The following RGS7 variants were observed in gnomAD, a reference collection of about 807,000 sequenced individuals.
The protein encoded by RGS7 is regulator of G-protein signaling 7.
RGS7 carries 27 observed loss-of-function variants against 81.1 expected under a neutral mutation model. That is an observed-to-expected ratio of 0.33 (90% confidence interval 0.25 to 0.46). The LOEUF is 0.46. Ranked by LOEUF, RGS7 falls within the 20% of genes least tolerant of loss-of-function variation. The pLI, the probability that RGS7 is intolerant of heterozygous loss-of-function variation, is 1.00. For missense variants in RGS7, 396 were observed against 607.4 expected (o/e 0.65, Z 3.66); for synonymous variants, 208 against 207.7 (o/e 1.00, Z -0.01).
At chr1:241,067,244 C>T (rs369367041) in intron 3 of RGS7, among the ~76,000 whole-genome samples, 10 of 152,110 alleles carry the variant, frequency 6.6e-5, no homozygotes, top group Non-Finnish European at 1.5e-4. Context: ...TGGAAGCTTT[C>T]GAAGTATAAG....
rs551122102 is a variant in RGS7 at position 241,174,895 on chromosome 1, GTTTTTTTTTTTTT to G, written c.79-76146_79-76134del. On this transcript the variant is annotated intron_variant, in intron 2 of 18. Coordinates refer to ENST00000440928, the MANE Select transcript of RGS7 (RefSeq NM_001364886.1). The stretch of plus-strand genomic sequence containing the variant: ...ACTAGACTCCAATTCACAGAATTTT[GTTTTTTTTTTTTT>G]TTTTTTTTTTTTGAGACGGAGTCCC... 4.3e-5 allele frequency among the ~76,000 whole-genome samples: 3 copies of G among 69,232 alleles called. No individual in the cohort carries two copies. In the South Asian group the frequency reaches 2.2e-3, roughly 51 times the overall value. The allele number at this position is 69,232 out of a possible 152,430, so 45.4% of individuals were successfully genotyped here.
rs372746623 is a variant in RGS7, at chr1:240,935,170, C to T, written c.333+1430G>A. 2.3e-4 allele frequency among the ~76,000 whole-genome samples: 35 copies of T among 151,998 alleles called. 1 individual carries two copies. The highest frequency in any genetic ancestry group is 1.9e-3 in the East Asian group (10 of 5,148). On this transcript the variant is annotated intron_variant, in intron 5 of 18. Transcript: ENST00000440928. ...GCCCTGGCCTCCCAAAGTGCTGGGA[C>T]TACAGGCATGAGCCACTGTGCCCGG...
At chr1:241,105,894 C>T (rs2065063259) in intron 2 of RGS7, among the ~76,000 whole-genome samples, 1 of 152,124 alleles carries the variant, frequency 6.6e-6, no homozygotes, top group South Asian at 2.1e-4. Context: ...ACTAAGTGGG[C>T]AGATTGAATG....
chr1:241,245,369 C>T (rs1235635690), intron 2 of RGS7, among the ~76,000 whole-genome samples: 2 of 147,000 alleles, frequency 1.4e-5, no homozygotes, highest in East Asian at 1.9e-4. Context: ...TTGCTCCTGC[C>T]GTGTAAGTGT....
At chr1:241,191,991 G>A (rs1245725246) in intron 2 of RGS7, among the ~76,000 whole-genome samples, 1 of 152,238 alleles carries the variant, frequency 6.6e-6, no homozygotes, top group Non-Finnish European at 1.5e-5. Flanking sequence ...TCTCAACAGA[G>A]CCTCACAAAG....
Position 241,007,443 on chromosome 1 carries a change from A to C in RGS7, c.176-24314T>G, listed in dbSNP as rs576088020. On this transcript the variant is annotated intron_variant, in intron 3 of 18. Coordinates refer to ENST00000440928, the MANE Select transcript of RGS7 (RefSeq NM_001364886.1). ...AGCTTTTGGTCAACAATAGGTCATT[A>C]GTAGTTAAGTTTTTGGGGAAGTCAA... is the stretch of plus-strand genomic sequence containing the variant. Among the ~76,000 whole-genome samples, 77 of 152,310 alleles carry C rather than the reference A, an allele frequency of 5.1e-4. 2 individuals are homozygous for C. Among genetic ancestry groups the C allele is most frequent in the Admixed American group, 1.9e-3 (29 of 15,282 alleles).
Position 240,997,108 on chromosome 1 carries a change from G to A in RGS7, c.176-13979C>T, listed in dbSNP as rs147884136. Reference sequence around the variant, plus strand: ...AACACAGATACATGCTACTATGCCCGACTATGTTTTTATTATTATTATCAT... The same window carrying A: ...AACACAGATACATGCTACTATGCCCAACTATGTTTTTATTATTATTATCAT... On this transcript the variant is annotated intron_variant, in intron 3 of 18. Transcript: ENST00000440928. Among the ~76,000 whole-genome samples, 902 of 151,888 alleles carry A rather than the reference G, an allele frequency of 5.9e-3. 4 individuals carry two copies. Among genetic ancestry groups the A allele is most frequent in the African/African-American group, 0.02 (835 of 41,420 alleles).
At chr1:241,150,880 G>A (rs1458373178) in intron 2 of RGS7, among the ~76,000 whole-genome samples, 1 of 151,686 alleles carries the variant, frequency 6.6e-6, no homozygotes, top group African/African-American at 2.4e-5. Flanking sequence ...AGCTCTGTCT[G>A]AGGCCAAAGG....
At chr1:241,061,824 CT>C (rs1380216422) in intron 3 of RGS7, among the ~76,000 whole-genome samples, 2 of 152,232 alleles carry the variant, frequency 1.3e-5, no homozygotes, top group Non-Finnish European at 2.9e-5. Flanking sequence ...AGACCATCAT[CT>C]GTTAGCTCCC....
At chr1:241,177,372 T>C (rs1423639389) in intron 2 of RGS7, among the ~76,000 whole-genome samples, 1 of 151,958 alleles carries the variant, frequency 6.6e-6, no homozygotes, top group African/African-American at 2.4e-5. Flanking sequence ...TTTCCCATGT[T>C]CAAGGAAAAT....
intron 2 of RGS7, among the ~76,000 whole-genome samples, chr1:241,112,232 GTTAC>G (rs1461050795): frequency 6.6e-6 from 1 of 152,054 alleles, no homozygotes; most frequent in South Asian, 2.1e-4. Flanking sequence ...ATCAAGAAAT[GTTAC>G]TTAAGTAATT....
At chr1:241,026,700 C>T (rs1486282156) in intron 3 of RGS7, among the ~76,000 whole-genome samples, 1 of 151,978 alleles carries the variant, frequency 6.6e-6, no homozygotes, top group African/African-American at 2.4e-5. Context: ...ACTTACATTA[C>T]AGTAAGAGAG....
chr1:241,134,773 C>T (rs1365392441), intron 2 of RGS7, among the ~76,000 whole-genome samples: 2 of 152,102 alleles, frequency 1.3e-5, no homozygotes, highest in Admixed American at 6.5e-5. Context: ...TTTACTAGTT[C>T]CTCACTGAAA....
chr1:240,908,843 A>G (rs2148236954), intron 6 of RGS7, among the ~76,000 whole-genome samples: 1 of 152,356 alleles, frequency 6.6e-6, no homozygotes, highest in East Asian at 1.9e-4. Context: ...ATTCTCAAAG[A>G]AAGACCTGAA....
chr1:241,105,931 A>T (rs2065065938), intron 2 of RGS7, among the ~76,000 whole-genome samples: 1 of 152,182 alleles, frequency 6.6e-6, no homozygotes, highest in Admixed American at 6.5e-5. Context: ...ACATACTTTC[A>T]AATTATGGTG....
chr1:240,934,492 A>G (rs1317797003), intron 5 of RGS7, among the ~76,000 whole-genome samples: 3 of 152,200 alleles, frequency 2.0e-5, no homozygotes, highest in Non-Finnish European at 2.9e-5. Context: ...GGACTGGTTA[A>G]TGACTTGGTA....
intron 4 of RGS7, among the ~76,000 whole-genome samples, chr1:240,942,728 G>C (rs1677812386): frequency 6.6e-6 from 1 of 152,130 alleles, no homozygotes; most frequent in Non-Finnish European, 1.5e-5. Context: ...ACAATTCTGA[G>C]CCATAAAAAG....
intron 3 of RGS7, among the ~76,000 whole-genome samples, chr1:241,068,680 A>G (rs2062242190): frequency 6.6e-6 from 1 of 152,012 alleles, no homozygotes; most frequent in South Asian, 2.1e-4. Flanking sequence ...GAAATGGAAG[A>G]CAGAGGGAAG....
At chr1:240,824,560 T>C (rs762583782) in intron 10 of RGS7, among the ~76,000 whole-genome samples, 9 of 152,266 alleles carry the variant, frequency 5.9e-5, no homozygotes, top group Non-Finnish European at 1.2e-4. Flanking sequence ...GCTCCGCAGA[T>C]ACAGAGCTGT....
Sources: gnomAD v4.1 joint callset for allele counts (sites outside exome capture counted in the v4.1 genomes callset) on GRCh38, gnomAD v4.1.1 for gene constraint, MANE v1.5 for transcripts, NCBI Gene and HGNC (gene_info 2026-07-23, HGNC 2026-07-21) for gene names.